The following ACADVL variants were observed in gnomAD, a reference collection of about 807,000 sequenced individuals.
The protein encoded by ACADVL is very long-chain acyl-CoA dehydrogenase, mitochondrial.
ACADVL carries 73 observed loss-of-function variants against 80.4 expected under a neutral mutation model. The ratio of observed to expected loss-of-function variants is 0.91; its 90% CI spans 0.75 to 1.10. The LOEUF (loss-of-function observed/expected upper bound fraction) is 1.10. Among genes scored for constraint, ACADVL ranks in the 50% least tolerant of loss-of-function variants. ACADVL has a pLI of 0.00. For synonymous variants in ACADVL, 392 were observed against 326.5 expected (o/e 1.20, Z -2.16); for missense variants, 878 against 858.9 (o/e 1.02, Z -0.28).
chr17:7,222,182 G>T lies in ACADVL; in HGVS notation c.758G>T (p.Gly253Val). 6.2e-7 allele frequency: 1 copy of T among 1,614,138 alleles called. No individual in the cohort carries two copies. The change falls in exon 9 of 20, where the codon GGG becomes GTG. Residue 253 changes from glycine (G) to valine (V), a missense_variant. Gly to Val is a moderately radical substitution (Grantham distance 109). Coordinates refer to ENST00000356839, the MANE Select transcript of ACADVL (RefSeq NM_000018.4). ...AATATCCCATTCTTCCACAGTAATG[G>T]GGGCCTAGCAGACATCTTCACGGTC... ...LNGSKLWISNGGLADIFTVFA... is the reference protein window; with the variant it reads ...LNGSKLWISNVGLADIFTVFA...
intron 5 of ACADVL, 37 bp downstream of exon 5, chr17:7,220,867 G>GT: frequency 1.9e-6 from 3 of 1,614,066 alleles, no homozygotes; most frequent in Non-Finnish European, 2.5e-6. Context: ...CTGGTGAGGT[G>GT]TTTGGAGATG....
Position 7,224,947 on chromosome 17 carries a change from C to T in ACADVL, c.1828-10C>T, listed in dbSNP as rs745823436. 2 of 1,614,070 alleles carry T rather than the reference C, an allele frequency of 1.2e-6. No individual in the cohort carries two copies. The highest frequency in any genetic ancestry group is 1.1e-5 in the South Asian group (1 of 91,088). On this transcript the variant is annotated splice_polypyrimidine_tract_variant and intron_variant, in intron 19 of 19. Coordinates refer to ENST00000356839, the MANE Select transcript of ACADVL (RefSeq NM_000018.4). ...AGGTGCAGGCCCAACCCCTCCTTCC[C>T]TCTCCCCAGGCTGCAGCTCGGATCC...
chr17:7,218,337 C>T (rs528335382), upstream of ACADVL: 18 of 1,554,534 alleles, frequency 1.2e-5, no homozygotes, highest in African/African-American at 1.9e-4. Flanking sequence ...CCAGGCACAT[C>T]ACCCCTGTCA....
chr17:7,217,740 T>TAGAAGC (rs1555526655), upstream of ACADVL: 2 of 1,533,312 alleles, frequency 1.3e-6, no homozygotes, highest in African/African-American at 2.8e-5. Flanking sequence ...GGAAAGGAGA[T>TAGAAGC]AGAAGCAGAA....
At position 7,223,967 on chromosome 17, in the gene ACADVL, G is replaced by A. The variant is rs1305428099; in HGVS notation, c.1333-1G>A. ...ATATAATTTGTGTGGCCCTGTGCTA[G>A]GAACCTGGAGTAGAGCGTGTGCTCC... On this transcript the variant is annotated splice_acceptor_variant, in intron 13 of 19. Transcript: ENST00000356839. LOFTEE classifies it high-confidence loss of function. 1.2e-6 allele frequency: 2 copies of A among 1,614,068 alleles called. No homozygotes were observed. The highest frequency in any genetic ancestry group is 1.3e-5 in the African/African-American group (1 of 75,046).
intron 9 of ACADVL, 90 bp downstream of exon 9, chr17:7,222,392 G>A (rs1358134706): frequency 2.4e-5 from 37 of 1,549,562 alleles, no homozygotes; most frequent in Admixed American, 3.7e-5. Flanking sequence ...CTGGGGACGT[G>A]TGCAAAAGCC....
At chr17:7,218,852 C>G (rs1555527052), upstream of ACADVL, 2 of 1,613,742 alleles carry the variant, frequency 1.2e-6, no homozygotes, top group East Asian at 2.2e-5. Context: ...TGGGACATCT[C>G]TCTCTTCTCT....
At chr17:7,219,065 T>C, upstream of ACADVL, 1 of 604,442 alleles carries the variant, frequency 1.7e-6, no homozygotes, top group East Asian at 2.8e-5. Flanking sequence ...CACGCTCTCC[T>C]GAGAAGCCAG....
At chr17:7,220,071 T>G (rs1395056500) in intron 1 of ACADVL, 25 bp downstream of exon 1, 1 of 1,599,050 alleles carries the variant, frequency 6.3e-7, no homozygotes, top group Non-Finnish European at 8.5e-7. Flanking sequence ...AGAGGGACGG[T>G]GGGCAGCGGC....
At chr17:7,223,618 C>T in intron 11 of ACADVL, 26 bp from the exon 12 acceptor site, 1 of 1,613,440 alleles carries the variant, frequency 6.2e-7, no homozygotes, top group African/African-American at 1.3e-5. Flanking sequence ...AATTTTCCTT[C>T]CCATGTCCCA....
Position 7,220,364 on chromosome 17 carries a change from G to A in ACADVL, c.139-100G>A, listed in dbSNP as rs1054050457. The A allele has an allele frequency of 2.5e-6, 4 of 1,583,200 alleles. No homozygotes were observed. In the African/African-American group the frequency reaches 4.0e-5, roughly 16 times the overall value. On this transcript the variant is annotated intron_variant, in intron 2 of 19. Transcript: ENST00000356839. ...GCCCTAGGGCGAAACTAGGGGAAAG[G>A]TCACCGCTTCGCGCCGCCTCCCCGC...
At chr17:7,221,829 T>C (rs1485489514) in intron 7 of ACADVL, 123 bp from the exon 8 acceptor site, 5 of 1,590,140 alleles carry the variant, frequency 3.1e-6, no homozygotes, top group Non-Finnish European at 4.3e-6. Flanking sequence ...GGTTGGGACA[T>C]GCAAAAGAAC....
rs1405392965 is a variant in ACADVL at position 7,224,834 on chromosome 17, C to T, written c.1777C>T (p.His593Tyr). 1 of 1,614,032 alleles carries T rather than the reference C, an allele frequency of 6.2e-7. No individual in the cohort carries two copies. Among genetic ancestry groups the T allele is most frequent in the Non-Finnish European group, 8.5e-7 (1 of 1,180,014 alleles). Reference sequence around the variant, plus strand: ...GGCCTCAAGATCCCTGAGTGAGGGCCACCCCACGGCCCAGCATGAGAAAAT... The same window carrying T: ...GGCCTCAAGATCCCTGAGTGAGGGCTACCCCACGGCCCAGCATGAGAAAAT... Reference protein sequence around the residue: ...SRASRSLSEGHPTAQHEKMLC... With the variant: ...SRASRSLSEGYPTAQHEKMLC... The change falls in exon 19 of 20, where the codon CAC becomes TAC. Residue 593 changes from histidine to tyrosine, a missense_variant. By Grantham distance (83) the His-to-Tyr change is moderately conservative (BLOSUM62 2). Coordinates refer to ENST00000356839, the MANE Select transcript of ACADVL (RefSeq NM_000018.4).
chr17:7,222,744 C>T lies in ACADVL; in HGVS notation c.956C>T (p.Ser319Leu), dbSNP rs149467828. ...TTCTTTGATGGAGTACGGGTGCCAT[C>T]GGAGAACGTGCTGGGTGAGGTTGGG... is the stretch of plus-strand genomic sequence containing the variant. Reference protein sequence around the residue: ...EVFFDGVRVPSENVLGEVGSG... With the variant: ...EVFFDGVRVPLENVLGEVGSG... The change falls in exon 10 of 20, where the codon TCG (serine) becomes TTG (leucine). Residue 319 changes from serine (S) to leucine (L), a missense_variant. Physicochemically the swap from Ser to Leu is moderately radical, Grantham distance 145. Coordinates refer to ENST00000356839, the MANE Select transcript of ACADVL (RefSeq NM_000018.4). 5.8e-5 allele frequency: 93 copies of T among 1,613,990 alleles called. No individual in the cohort carries two copies. Among genetic ancestry groups the T allele is most frequent in the Middle Eastern group, 3.3e-4 (2 of 6,074 alleles).
At chr17:7,218,661 T>A, upstream of ACADVL, 1 of 1,555,758 alleles carries the variant, frequency 6.4e-7, no homozygotes. Context: ...CAAGGAGAAT[T>A]GGGACAGGGA....
At position 7,220,259 on chromosome 17, in the gene ACADVL, T is replaced by C. The variant is rs2071129503; in HGVS notation, c.138+62T>C. ...CGGCGGTCCGCTTCGGCGCCCGCCA[T>C]CGGCAGGGATCTCCCTCTTGGTGCC... On this transcript the variant is annotated intron_variant, in intron 2 of 19. Coordinates refer to ENST00000356839, the MANE Select transcript of ACADVL (RefSeq NM_000018.4). The C allele has an allele frequency of 2.7e-6, 4 of 1,505,772 alleles. No individual in the cohort carries two copies. In the South Asian group the frequency reaches 4.9e-5, roughly 18 times the overall value. 93.3% of individuals were successfully genotyped at this position (1,505,772 alleles called of 1,614,324 possible). A position where few individuals can be genotyped will look rare whatever the true frequency, so the allele number is the denominator to read the frequency against.
At chr17:7,220,359 G>A in intron 2 of ACADVL, 105 bp from the exon 3 acceptor site, 2 of 1,577,372 alleles carry the variant, frequency 1.3e-6, no homozygotes, top group Non-Finnish European at 1.7e-6. Flanking sequence ...GAAACTAGGG[G>A]AAAGGTCACC....
chr17:7,224,327 AG>A lies in ACADVL; in HGVS notation c.1542del (p.Leu515TrpfsTer5). ...EAGKQLRRRA[G>X]LGSGLSLSGL... ...TTCTCCCTCTTCCTCTCAGGCGGGC[AG>A]GGCTGGGCAGCGGCCTGAGTCTCAG... On this transcript the variant is annotated frameshift_variant, in exon 16 of 20. Coordinates refer to ENST00000356839, the MANE Select transcript of ACADVL (RefSeq NM_000018.4). LOFTEE classifies it high-confidence loss of function. The A allele has an allele frequency of 6.2e-7, 1 of 1,613,822 alleles. No homozygotes were observed. The highest frequency in any genetic ancestry group is 8.5e-7 in the Non-Finnish European group (1 of 1,179,980).
upstream of ACADVL, chr17:7,217,899 C>G: frequency 7.3e-7 from 1 of 1,369,150 alleles, no homozygotes; most frequent in Non-Finnish European, 1.0e-6. Flanking sequence ...GGGAGGGAGG[C>G]CTCTCGGCAG....
Sources: gnomAD v4.1 joint callset for allele counts on GRCh38, gnomAD v4.1.1 for gene constraint, MANE v1.5 for transcripts, NCBI Gene and HGNC (gene_info 2026-07-23, HGNC 2026-07-21) for gene names.